The following BIVM variants were observed in gnomAD, a reference collection of about 807,000 sequenced individuals.
BIVM encodes basic, immunoglobulin-like variable motif containing, also known as basic immunoglobulin-like variable motif-containing protein.
In BIVM, 31 loss-of-function variants were observed where a neutral mutation model predicts 61.4. That is an observed-to-expected ratio of 0.51 (90% CI 0.38 to 0.68). The LOEUF (loss-of-function observed/expected upper bound fraction) is 0.68, where lower values mean the gene tolerates loss of function less well. Among genes scored for constraint, BIVM ranks in the 30% least tolerant of loss-of-function variants. BIVM has a pLI of 0.00. For synonymous variants in BIVM, 189 were observed against 210.7 expected (o/e 0.90, Z 0.89); for missense variants, 526 against 596.0 (o/e 0.88, Z 1.22).
chr13:102,829,025 T>TA (rs66601358), intron 7 of BIVM, among the ~76,000 whole-genome samples: 41 of 146,724 alleles, frequency 2.8e-4, no homozygotes, highest in African/African-American at 9.7e-4. Context: ...TTTTTTTTTT[T>TA]AAAATAAAAA....
In BIVM at chr13:102,839,763, T is replaced by A; in HGVS notation, c.1410T>A (p.Ser470Arg). 3.1e-6 allele frequency: 5 copies of A among 1,614,152 alleles called. No homozygotes were observed. Among genetic ancestry groups the A allele is most frequent in the Non-Finnish European group, 4.2e-6 (5 of 1,180,036 alleles). ...ATGGGCGTCTGGGCCGGTCTTTCAG[T>A]GCTAGTTTCCATCAGGACTCGGCAT... ...KQHGRLGRSF[S>R]ASFHQDSAWK... The change falls in exon 11 of 11, where the codon AGT becomes AGA. Residue 470 changes from serine to arginine, a missense_variant. This residue lies in a region of BIVM where 210 missense variants were observed against 233.1 expected (regional missense o/e 0.90). Transcript: ENST00000257336.
Sources: gnomAD v4.1 joint callset for allele counts (sites outside exome capture counted in the v4.1 genomes callset) on GRCh38, gnomAD v4.1.1 for gene constraint, gnomAD v4.1.1 regional missense constraint, MANE v1.5 for transcripts, NCBI Gene and HGNC (gene_info 2026-07-23, HGNC 2026-07-21) for gene names.